NPHP4: variants seen among roughly 807,000 people sequenced by gnomAD.
NPHP4 encodes the protein nephrocystin-4.
Under a neutral mutation model 155.8 loss-of-function variants are expected in NPHP4, and 151 were observed. That is an observed-to-expected ratio of 0.97 (90% CI 0.85 to 1.11). NPHP4 has a LOEUF of 1.11. NPHP4 is among the 50% of genes least tolerant of loss of function. NPHP4 has a pLI of 0.00. For missense variants in NPHP4, 1,956 were observed against 1,925.7 expected (o/e 1.02, Z -0.29); for synonymous variants, 845 against 816.8 (o/e 1.03, Z -0.59).
chr1:5,904,600 T>G lies in NPHP4; in HGVS notation c.2143+17A>C, dbSNP rs1435051082. The G allele has an allele frequency of 6.3e-7, 1 of 1,577,198 alleles. No individual in the cohort carries two copies. Among genetic ancestry groups the G allele is most frequent in the Non-Finnish European group, 8.7e-7 (1 of 1,155,340 alleles). ...AGTACAGAATGTCTTGCCTTTGCCA[T>G]GCACATGAGTACTCACCAGCATCAA... On this transcript the variant is annotated intron_variant, in intron 16 of 29. Coordinates refer to ENST00000378156, the MANE Select transcript of NPHP4 (RefSeq NM_015102.5).
intron 18 of NPHP4, chr1:5,886,859 A>T (rs919781038): frequency 2.5e-5 from 4 of 160,340 alleles, no homozygotes; most frequent in South Asian, 1.9e-4. Flanking sequence ...CTACAAAGTC[A>T]TGGTGCTGGG....
At chr1:5,973,043 C>T (rs1373010759) in intron 3 of NPHP4, among the ~76,000 whole-genome samples, 1 of 152,148 alleles carries the variant, frequency 6.6e-6, no homozygotes, top group African/African-American at 2.4e-5. Flanking sequence ...TGCCACCACG[C>T]CCAGCTAATC....
At chr1:5,874,851 G>A in intron 21 of NPHP4, 23 bp downstream of exon 21, 1 of 1,604,648 alleles carries the variant, frequency 6.2e-7, no homozygotes, top group Non-Finnish European at 8.5e-7. Flanking sequence ...GCTGGGGCAG[G>A]ACGGGCACCA....
chr1:5,926,036 C>A (rs867388265), intron 11 of NPHP4, among the ~76,000 whole-genome samples: 1 of 152,186 alleles, frequency 6.6e-6, no homozygotes, highest in East Asian at 1.9e-4. Context: ...CATTCTAAAC[C>A]GACTCTGACA....
chr1:5,977,709 G>T (rs1300576699), intron 3 of NPHP4, among the ~76,000 whole-genome samples: 1 of 149,654 alleles, frequency 6.7e-6, no homozygotes, highest in Non-Finnish European at 1.5e-5. Context: ...CCACCTGAGT[G>T]AAAACACGCT....
chr1:5,934,265 G>A (rs918382652), intron 9 of NPHP4, among the ~76,000 whole-genome samples: 2 of 152,226 alleles, frequency 1.3e-5, no homozygotes, highest in African/African-American at 4.8e-5. Context: ...GAGGCCCATG[G>A]GGTACAGGCA....
chr1:5,991,077 G>C (rs1303563001), intron 1 of NPHP4, among the ~76,000 whole-genome samples: 1 of 152,160 alleles, frequency 6.6e-6, no homozygotes, highest in African/African-American at 2.4e-5. Flanking sequence ...CAGGGGGTGG[G>C]AGGCGCTGTC....
At chr1:5,956,224 G>A (rs1344446826) in intron 6 of NPHP4, among the ~76,000 whole-genome samples, 2 of 152,214 alleles carry the variant, frequency 1.3e-5, no homozygotes, top group Non-Finnish European at 2.9e-5. Flanking sequence ...GCATCTGGGA[G>A]GGGGCAGAAG....
Position 5,877,194 on chromosome 1 carries a change from G to A in NPHP4, c.2716C>T (p.Arg906Cys), listed in dbSNP as rs199992272. 1.3e-4 allele frequency: 203 copies of A among 1,604,624 alleles called. 1 individual carries two copies. The Admixed American group carries it at 2.7e-3, about 21-fold the overall frequency. The change falls in exon 20 of 30, where the codon CGC becomes TGC. Residue 906 changes from arginine to cysteine, a missense_variant. Physicochemically the swap from Arg to Cys is radical, Grantham distance 180. Transcript: ENST00000378156. ...CGCCTGCGGGTGGCATCCGACTCGCGGCTGACGTCCTGGGGCCCCTTGCCC... is the reference window on the plus strand; with the variant it reads ...CGCCTGCGGGTGGCATCCGACTCGCAGCTGACGTCCTGGGGCCCCTTGCCC... ...RQGKGPQDVS[R>C]ESDATRRRKL...
chr1:5,967,540 C>T (rs755851142), intron 4 of NPHP4, among the ~76,000 whole-genome samples, 177 bp from the exon 5 acceptor site: 1 of 152,232 alleles, frequency 6.6e-6, no homozygotes. Flanking sequence ...GCCGTTGGTG[C>T]TTGTGGCCAA....
At chr1:5,981,915 G>A (rs1173373437) in intron 2 of NPHP4, among the ~76,000 whole-genome samples, 1 of 152,130 alleles carries the variant, frequency 6.6e-6, no homozygotes, top group Non-Finnish European at 1.5e-5. Flanking sequence ...GCCCTTGACT[G>A]GGTATCAGAA....
At chr1:5,925,755 A>G (rs1424196514) in intron 11 of NPHP4, among the ~76,000 whole-genome samples, 3 of 152,120 alleles carry the variant, frequency 2.0e-5, no homozygotes, top group Non-Finnish European at 4.4e-5. Flanking sequence ...AACTGGGACT[A>G]CAGGCGCCCG....
At chr1:5,961,424 C>A (rs1650293308) in intron 6 of NPHP4, among the ~76,000 whole-genome samples, 2 of 152,132 alleles carry the variant, frequency 1.3e-5, no homozygotes, top group Admixed American at 1.3e-4. Flanking sequence ...CTTATTTTAC[C>A]TTAATTTAAA....
intron 22 of NPHP4, 133 bp downstream of exon 22, chr1:5,874,338 G>T: frequency 1.2e-6 from 1 of 842,052 alleles, no homozygotes; most frequent in Non-Finnish European, 1.8e-6. Context: ...GAGCACCAAG[G>T]GGAGTGGGCG....
intron 11 of NPHP4, among the ~76,000 whole-genome samples, chr1:5,921,913 G>A (rs981574253): frequency 9.9e-5 from 15 of 152,224 alleles, no homozygotes; most frequent in South Asian, 6.2e-4. Flanking sequence ...TGCGGTAAGC[G>A]GAGTAACTGC....
chr1:5,887,005 C>A, intron 18 of NPHP4: 1 of 416,932 alleles, frequency 2.4e-6, no homozygotes, highest in Non-Finnish European at 4.3e-6. Flanking sequence ...GAGGACTGTC[C>A]CGGAGATCCT....
intron 16 of NPHP4, among the ~76,000 whole-genome samples, chr1:5,902,165 T>C (rs1235346950): frequency 6.6e-6 from 1 of 152,194 alleles, no homozygotes; most frequent in Non-Finnish European, 1.5e-5. Context: ...GGGAATAGCC[T>C]AACTGAGCTA....
At chr1:5,907,707 T>TGAA (rs142933279) in intron 12 of NPHP4, among the ~76,000 whole-genome samples, 7 of 21,856 alleles carry the variant, frequency 3.2e-4, no homozygotes, top group Non-Finnish European at 5.4e-4. Flanking sequence ...GGCATTACCG[T>TGAA]GGAGTGCCCG....
At chr1:5,915,612 T>C (rs2101475931) in intron 11 of NPHP4, among the ~76,000 whole-genome samples, 1 of 152,226 alleles carries the variant, frequency 6.6e-6, no homozygotes, top group South Asian at 2.1e-4. Context: ...AGCCCAGGAC[T>C]GCAGGAGTCC....
Sources: allele counts gnomAD v4.1 joint callset (sites outside exome capture counted in the v4.1 genomes callset), GRCh38; gene constraint gnomAD v4.1.1; transcripts MANE v1.5; gene names NCBI Gene and HGNC (gene_info 2026-07-23, HGNC 2026-07-21).